AOPEP: variants seen among roughly 807,000 people sequenced by gnomAD.
AOPEP encodes aminopeptidase O.
In AOPEP, 77 loss-of-function variants were observed where a neutral mutation model predicts 98.1. That is an observed-to-expected ratio of 0.78 (90% CI 0.65 to 0.95). The LOEUF (loss-of-function observed/expected upper bound fraction) is 0.95. Among genes scored for constraint, AOPEP ranks in the 40% least tolerant of loss-of-function variants. The pLI is 0.00. For missense variants in AOPEP, 1,024 were observed against 1,024.7 expected (o/e 1.00, Z 0.01); for synonymous variants, 346 against 365.3 (o/e 0.95, Z 0.60).
At chr9:94,915,975 G>A (rs754638677) in intron 5 of AOPEP, among the ~76,000 whole-genome samples, 7 of 152,184 alleles carry the variant, frequency 4.6e-5, no homozygotes, top group Non-Finnish European at 7.3e-5. Context: ...TGCTGAGAAT[G>A]GCTGCAAGCT....
At chr9:94,735,915 A>G (rs1028498586) in intron 1 of AOPEP, among the ~76,000 whole-genome samples, 1 of 152,170 alleles carries the variant, frequency 6.6e-6, no homozygotes, top group Non-Finnish European at 1.5e-5. Context: ...TAATCATAGA[A>G]TATGTGGCCC....
intron 7 of AOPEP, among the ~76,000 whole-genome samples, chr9:94,929,036 A>C (rs1215231154): frequency 6.6e-6 from 1 of 152,096 alleles, no homozygotes; most frequent in Admixed American, 6.5e-5. Flanking sequence ...TTTTGTTTGT[A>C]GACTGTGGCT....
intron 2 of AOPEP, among the ~76,000 whole-genome samples, chr9:94,760,898 G>A (rs1393710364): frequency 6.6e-6 from 1 of 152,230 alleles, no homozygotes; most frequent in East Asian, 1.9e-4. Context: ...GTGACTTGGA[G>A]TGCTGTAGAT....
At chr9:94,740,493 C>A (rs532694380) in intron 1 of AOPEP, among the ~76,000 whole-genome samples, 1 of 152,216 alleles carries the variant, frequency 6.6e-6, no homozygotes, top group Non-Finnish European at 1.5e-5. Context: ...CATAACCCTT[C>A]CAGCAGAACT....
At position 95,080,684 on chromosome 9, in the gene AOPEP, G is replaced by C. The variant is rs750173714; in HGVS notation, c.2233-10G>C. ...CTTGTCGCTCACTGGGCTCTCTCTT[G>C]TTCCTCCAGGTTCGCCATCGGTGGT... On this transcript the variant is annotated splice_polypyrimidine_tract_variant and intron_variant, in intron 14 of 16. Transcript: ENST00000375315. The C allele has an allele frequency of 6.8e-6, 11 of 1,611,424 alleles. No homozygotes were observed. Among genetic ancestry groups the C allele is most frequent in the East Asian group, 2.2e-5 (1 of 44,874 alleles).
chr9:95,038,015 T>G (rs1431749862), intron 13 of AOPEP, among the ~76,000 whole-genome samples: 1 of 152,072 alleles, frequency 6.6e-6, no homozygotes, highest in East Asian at 1.9e-4. Flanking sequence ...TGAGAAACCT[T>G]CCATCCAGCT....
the AOPEP span, among the ~76,000 whole-genome samples, chr9:95,094,562 A>G: frequency 2.0e-5 from 3 of 152,220 alleles, no homozygotes; most frequent in Non-Finnish European, 2.9e-5. Flanking sequence ...GGGAGCTCAT[A>G]TGAGAGGATT....
At chr9:94,783,327 C>T (rs1213948443) in intron 3 of AOPEP, among the ~76,000 whole-genome samples, 3 of 152,196 alleles carry the variant, frequency 2.0e-5, no homozygotes, top group South Asian at 2.1e-4. Context: ...CAAGGAAAAC[C>T]GAAGCCTTGC....
downstream of AOPEP, among the ~76,000 whole-genome samples, chr9:95,091,965 C>A (rs577565513): frequency 1.3e-3 from 202 of 152,196 alleles, no homozygotes; most frequent in African/African-American, 4.6e-3. Context: ...GTGGTTCTCA[C>A]ATAGATCCAG....
the AOPEP span, chr9:95,135,235 G>A: frequency 1.9e-6 from 2 of 1,045,126 alleles, no homozygotes; most frequent in Non-Finnish European, 3.0e-6. Context: ...TATATATAAA[G>A]GTTCCAATTG....
chr9:94,940,963 C>A (rs2056950038), intron 7 of AOPEP, among the ~76,000 whole-genome samples: 1 of 151,784 alleles, frequency 6.6e-6, no homozygotes, highest in East Asian at 1.9e-4. Flanking sequence ...GAATGTTCAA[C>A]AAGTTAATTT....
chr9:94,905,865 T>G (rs886109403), intron 5 of AOPEP, among the ~76,000 whole-genome samples: 1 of 152,044 alleles, frequency 6.6e-6, no homozygotes, highest in East Asian at 1.9e-4. Context: ...CCCTGTCATT[T>G]CTGCAGGGAG....
chr9:94,749,635 T>A (rs1409168038), intron 1 of AOPEP, among the ~76,000 whole-genome samples: 3 of 152,240 alleles, frequency 2.0e-5, no homozygotes, highest in Non-Finnish European at 2.9e-5. Context: ...TCTTCTATAA[T>A]CATGAATCTT....
chr9:94,984,874 T>C (rs77099020), intron 11 of AOPEP, among the ~76,000 whole-genome samples: 1,619 of 152,340 alleles, frequency 0.011, 32 homozygotes, highest in African/African-American at 0.038. Context: ...GGTTAATCCA[T>C]AGACACCCTT....
chr9:94,839,777 T>C (rs1217650578), intron 5 of AOPEP, among the ~76,000 whole-genome samples: 2 of 152,108 alleles, frequency 1.3e-5, no homozygotes, highest in Non-Finnish European at 2.9e-5. Flanking sequence ...TTCTTCCTGA[T>C]CTTTTTTTTG....
the AOPEP span, among the ~76,000 whole-genome samples, chr9:95,140,473 C>CA: frequency 8.6e-5 from 12 of 140,144 alleles, no homozygotes; most frequent in South Asian, 1.4e-3. Flanking sequence ...TTTATAGCTA[C>CA]AAAAAAACAA....
chr9:94,838,823 GA>G (rs1444150371), intron 5 of AOPEP, among the ~76,000 whole-genome samples: 1 of 151,644 alleles, frequency 6.6e-6, no homozygotes, highest in African/African-American at 2.4e-5. Flanking sequence ...TTACAACATA[GA>G]GGTCCTGTAT....
At chr9:95,100,564 C>G in the AOPEP span, 2 of 231,236 alleles carry the variant, frequency 8.6e-6, no homozygotes, top group African/African-American at 4.4e-5. Context: ...AATACAATTC[C>G]AGAATGTCCC....
At chr9:95,011,369 AT>A (rs994783804) in intron 13 of AOPEP, among the ~76,000 whole-genome samples, 4 of 151,810 alleles carry the variant, frequency 2.6e-5, no homozygotes, top group Non-Finnish European at 5.9e-5. Context: ...TGCCCGGCTA[AT>A]TTTTTTTGTT....
Sources: allele counts gnomAD v4.1 joint callset (sites outside exome capture counted in the v4.1 genomes callset), GRCh38; gene constraint gnomAD v4.1.1; transcripts MANE v1.5; gene names NCBI Gene and HGNC (gene_info 2026-07-23, HGNC 2026-07-21).